The following SLC25A21 variants were observed in gnomAD, a reference collection of about 807,000 sequenced individuals.
SLC25A21 encodes solute carrier family 25 member 21, also known as mitochondrial 2-oxodicarboxylate carrier.
Under a neutral mutation model 43.8 loss-of-function variants are expected in SLC25A21, and 47 were observed. The observed-to-expected ratio is 1.07, with a 90% CI of 0.85 to 1.37. SLC25A21 has a LOEUF of 1.37. SLC25A21 is among the 40% of genes most tolerant of loss of function. The pLI is 0.00. For missense variants in SLC25A21, 352 were observed against 350.2 expected, an observed-to-expected ratio of 1.00 and a Z score of -0.04; for synonymous variants, 131 against 121.3, an observed-to-expected ratio of 1.08 and a Z score of -0.52.
intron 1 of SLC25A21, among the ~76,000 whole-genome samples, chr14:37,014,189 A>G (rs985191527): frequency 2.0e-5 from 3 of 152,100 alleles, no homozygotes; most frequent in African/African-American, 7.2e-5. Flanking sequence ...CTTTTGCCTC[A>G]TCAATGAACT....
intron 1 of SLC25A21, among the ~76,000 whole-genome samples, chr14:36,999,744 G>C (rs963548520): frequency 6.6e-6 from 1 of 152,154 alleles, no homozygotes; most frequent in Admixed American, 6.6e-5. Context: ...AAGCAAGCAA[G>C]TTGTAAAGTA....
At chr14:36,995,878 C>T (rs1313671528) in intron 1 of SLC25A21, among the ~76,000 whole-genome samples, 1 of 152,172 alleles carries the variant, frequency 6.6e-6, no homozygotes, top group Admixed American at 6.5e-5. Flanking sequence ...CAACATAATA[C>T]TGTAGCTAAC....
At chr14:37,061,721 C>T (rs1208113107) in intron 1 of SLC25A21, among the ~76,000 whole-genome samples, 1 of 152,196 alleles carries the variant, frequency 6.6e-6, no homozygotes, top group African/African-American at 2.4e-5. Context: ...AGAAAACAGT[C>T]TTAATGAATT....
Position 37,040,443 on chromosome 14 carries a change from A to AAAG in SLC25A21, c.70+131837_70+131838insCTT, listed in dbSNP as rs1961447378. 5.9e-5 allele frequency among the ~76,000 whole-genome samples: 8 copies of AAAG among 135,516 alleles called. 3 individuals are homozygous for AAAG. In the East Asian group the frequency reaches 1.4e-3, roughly 24 times the overall value. The allele number at this position is 135,516 out of a possible 152,430, so 88.9% of individuals were successfully genotyped here. A position where few individuals can be genotyped will look rare whatever the true frequency, so the allele number is the denominator to read the frequency against. On this transcript the variant is annotated intron_variant, in intron 1 of 9. Transcript: ENST00000331299. The stretch of plus-strand genomic sequence containing the variant: ...AGAAAGAAAGAAAGAAAGAAAGAAA[A>AAAG]GAAAAATTAGTTACAGGGTGAGGTC...
At chr14:36,696,461 T>A (rs1343671101) in intron 7 of SLC25A21, among the ~76,000 whole-genome samples, 3 of 152,180 alleles carry the variant, frequency 2.0e-5, no homozygotes, top group Non-Finnish European at 2.9e-5. Context: ...TTCTATTGAT[T>A]GGAATAGTTT....
intron 1 of SLC25A21, among the ~76,000 whole-genome samples, chr14:36,921,795 A>T (rs1891987383): frequency 6.6e-6 from 1 of 152,156 alleles, no homozygotes; most frequent in Admixed American, 6.6e-5. Flanking sequence ...CTGAATATTT[A>T]TGACTTGTTC....
intron 2 of SLC25A21, among the ~76,000 whole-genome samples, chr14:36,849,433 T>C (rs1297456959): frequency 6.6e-6 from 1 of 152,232 alleles, no homozygotes; most frequent in African/African-American, 2.4e-5. Flanking sequence ...GGCTTATATA[T>C]TTATGTTTCA....
intron 1 of SLC25A21, among the ~76,000 whole-genome samples, chr14:37,114,888 G>A (rs541995661): frequency 1.2e-4 from 18 of 152,092 alleles, no homozygotes; most frequent in African/African-American, 3.4e-4. Context: ...AGTTTCTATG[G>A]TAGTCTGAAA....
At chr14:36,990,713 C>T (rs1044204606) in intron 1 of SLC25A21, among the ~76,000 whole-genome samples, 20 of 151,940 alleles carry the variant, frequency 1.3e-4, no homozygotes, top group African/African-American at 9.7e-5. Flanking sequence ...CTCATGTCTA[C>T]GAAAAATAAA....
chr14:37,052,375 G>T (rs1961727637), intron 1 of SLC25A21, among the ~76,000 whole-genome samples: 1 of 152,132 alleles, frequency 6.6e-6, no homozygotes, highest in South Asian at 2.1e-4. Flanking sequence ...GCAGGCTCCT[G>T]GATGCACCCA....
At position 36,725,563 on chromosome 14, in the gene SLC25A21, T is replaced by C. The variant is rs1301468620; in HGVS notation, c.438+7A>G. 1 of 1,488,278 alleles carries C rather than the reference T, an allele frequency of 6.7e-7. No individual in the cohort carries two copies. 92.2% of individuals were successfully genotyped at this position (1,488,278 alleles called of 1,614,324 possible). A position where few individuals can be genotyped will look rare whatever the true frequency, so the allele number is the denominator to read the frequency against. The stretch of plus-strand genomic sequence containing the variant: ...CCCCTAACAATAGAAAAACATTAAA[T>C]GGTTACCTCTGCAAATGTGTTCCGA... On this transcript the variant is annotated splice_region_variant and intron_variant, in intron 6 of 9. Transcript: ENST00000331299.
At chr14:36,707,233 T>C (rs1036412960) in intron 7 of SLC25A21, among the ~76,000 whole-genome samples, 8 of 152,252 alleles carry the variant, frequency 5.3e-5, no homozygotes, top group African/African-American at 1.9e-4. Flanking sequence ...AAGCCTTCCC[T>C]GACCATCAGG....
chr14:36,714,752 T>G (rs1884051262), intron 6 of SLC25A21, among the ~76,000 whole-genome samples: 1 of 152,332 alleles, frequency 6.6e-6, no homozygotes, highest in South Asian at 2.1e-4. Flanking sequence ...TTGTGTGAGA[T>G]ATGTCTTATC....
At chr14:36,852,326 T>C (rs1889765642) in intron 2 of SLC25A21, among the ~76,000 whole-genome samples, 1 of 152,184 alleles carries the variant, frequency 6.6e-6, no homozygotes, top group African/African-American at 2.4e-5. Flanking sequence ...GGATTCTACA[T>C]CTTTTCTTAA....
intron 1 of SLC25A21, among the ~76,000 whole-genome samples, chr14:36,910,624 C>T (rs1891662903): frequency 6.6e-6 from 1 of 152,028 alleles, no homozygotes; most frequent in African/African-American, 2.4e-5. Flanking sequence ...GAGGTTATTA[C>T]CTGGGGGAAT....
At chr14:36,844,432 G>C (rs1320022590) in intron 2 of SLC25A21, among the ~76,000 whole-genome samples, 1 of 152,206 alleles carries the variant, frequency 6.6e-6, no homozygotes, top group African/African-American at 2.4e-5. Context: ...CACACAAGGG[G>C]AGAATCCAGC....
intron 1 of SLC25A21, among the ~76,000 whole-genome samples, chr14:36,902,334 T>TA (rs1440445391): frequency 6.6e-6 from 1 of 152,126 alleles, no homozygotes; most frequent in Non-Finnish European, 1.5e-5. Flanking sequence ...ATCCCAGTGA[T>TA]TACACAGGTA....
In SLC25A21 at chr14:36,878,729, AGAT is replaced by A. The variant is rs962119398; in HGVS notation, c.71-3728_71-3726del. On this transcript the variant is annotated intron_variant, in intron 1 of 9. Transcript: ENST00000331299. ...AATTAAAAATCTAACATAGAAAAGA[AGAT>A]GACTCTGAAATATCAGCTTCCATTT... Among the ~76,000 whole-genome samples the A allele has an allele frequency of 9.8e-5, 15 of 152,358 alleles. No individual in the cohort carries two copies. The East Asian group carries it at 2.9e-3, about 29-fold the overall frequency.
At chr14:36,954,092 G>A (rs1379824781) in intron 1 of SLC25A21, among the ~76,000 whole-genome samples, 6 of 152,090 alleles carry the variant, frequency 3.9e-5, no homozygotes, top group Admixed American at 2.0e-4. Context: ...CAAACTGATC[G>A]TCCCATCTCT....
Sources: gnomAD v4.1 joint callset for allele counts (sites outside exome capture counted in the v4.1 genomes callset) on GRCh38, gnomAD v4.1.1 for gene constraint, MANE v1.5 for transcripts, NCBI Gene and HGNC (gene_info 2026-07-23, HGNC 2026-07-21) for gene names.